Variants in MAPK10 observed in about 807,000 individuals in gnomAD.
The protein encoded by MAPK10 is JNK3 alpha protein kinase.
MAPK10 carries 25 observed loss-of-function variants against 59.3 expected under a neutral mutation model. The observed-to-expected ratio is 0.42, with a 90% CI of 0.31 to 0.59. The LOEUF (loss-of-function observed/expected upper bound fraction) is 0.59, where lower values mean the gene tolerates loss of function less well. Ranked by LOEUF, MAPK10 falls within the 20% of genes least tolerant of loss-of-function variation. The pLI is 0.15. For synonymous variants in MAPK10, 190 were observed against 200.5 expected, an observed-to-expected ratio of 0.95 and a Z score of 0.44; for missense variants, 351 against 568.9, an observed-to-expected ratio of 0.62 and a Z score of 3.90.
intron 1 of MAPK10, among the ~76,000 whole-genome samples, chr4:86,561,210 A>T (rs754894669): frequency 1.3e-5 from 2 of 152,136 alleles, no homozygotes; most frequent in Non-Finnish European, 2.9e-5. Context: ...CTCAGGTGGT[A>T]ATGCTCCAGC....
chr4:86,570,832 G>C (rs78961905), intron 1 of MAPK10, among the ~76,000 whole-genome samples: 7,125 of 152,240 alleles, frequency 0.047, 221 homozygotes, highest in African/African-American at 0.059. Flanking sequence ...GGGATGGGCA[G>C]AGGAGTCACC....
At chr4:86,207,989 G>C (rs2149346239) in intron 2 of MAPK10, among the ~76,000 whole-genome samples, 1 of 152,170 alleles carries the variant, frequency 6.6e-6, no homozygotes, top group Non-Finnish European at 1.5e-5. Flanking sequence ...TGAAAATCTA[G>C]AAGAAATGGA....
intron 13 of MAPK10, among the ~76,000 whole-genome samples, chr4:86,021,704 G>A (rs1204001561): frequency 1.3e-5 from 2 of 152,224 alleles, no homozygotes; most frequent in Non-Finnish European, 2.9e-5. Flanking sequence ...CCCATGGAGT[G>A]GGTGGGAGGC....
At chr4:86,362,799 A>C (rs185396155), upstream of MAPK10, among the ~76,000 whole-genome samples, 1 of 152,280 alleles carries the variant, frequency 6.6e-6, no homozygotes, top group African/African-American at 2.4e-5. Flanking sequence ...ATCATCACAT[A>C]TTGACAAGGA....
At chr4:86,209,928 A>C (rs2085307692) in intron 2 of MAPK10, among the ~76,000 whole-genome samples, 1 of 152,154 alleles carries the variant, frequency 6.6e-6, no homozygotes, top group African/African-American at 2.4e-5. Context: ...AAAAATAGAC[A>C]CACAGACCAA....
chr4:86,255,888 G>A (rs2093687524), intron 2 of MAPK10, among the ~76,000 whole-genome samples: 1 of 152,048 alleles, frequency 6.6e-6, no homozygotes, highest in African/African-American at 2.4e-5. Context: ...TGGAGAATAT[G>A]TTTTACCTAT....
At chr4:86,111,713 G>A (rs1399151596) in intron 4 of MAPK10, among the ~76,000 whole-genome samples, 2 of 152,154 alleles carry the variant, frequency 1.3e-5, no homozygotes, top group Non-Finnish European at 2.9e-5. Flanking sequence ...TCTCTGCCAG[G>A]TTTTGGTATC....
chr4:86,286,925 A>G (rs1311546523), intron 2 of MAPK10, among the ~76,000 whole-genome samples: 8 of 152,210 alleles, frequency 5.3e-5, no homozygotes, highest in Non-Finnish European at 1.5e-5. Context: ...TGGTAGGTAG[A>G]GAGCATGTTT....
At chr4:86,123,534 A>G (rs913286086) in intron 4 of MAPK10, among the ~76,000 whole-genome samples, 66 of 152,008 alleles carry the variant, frequency 4.3e-4, no homozygotes, top group African/African-American at 1.5e-3. Context: ...TGCTTACATC[A>G]ACATTGCTAC....
At chr4:86,325,468 T>C (rs952968282) in intron 2 of MAPK10, among the ~76,000 whole-genome samples, 1 of 152,200 alleles carries the variant, frequency 6.6e-6, no homozygotes, top group Non-Finnish European at 1.5e-5. Flanking sequence ...TTAACCACCA[T>C]ACTACACTGC....
intron 2 of MAPK10, among the ~76,000 whole-genome samples, chr4:86,228,630 C>A (rs968954762): frequency 6.6e-6 from 1 of 152,152 alleles, no homozygotes; most frequent in Non-Finnish European, 1.5e-5. Context: ...ATTCTATCAC[C>A]CTTTGTGTCA....
chr4:86,151,591 C>G (rs1440615465), intron 4 of MAPK10, among the ~76,000 whole-genome samples: 1 of 152,106 alleles, frequency 6.6e-6, no homozygotes, highest in Non-Finnish European at 1.5e-5. Context: ...TAAAGAGCAT[C>G]TGAGAGTGTC....
rs139742184 is a variant in MAPK10, at chr4:86,131,304, A to G, written c.237-23952T>C. ...TGTTTTTATTATCTAGCTAACAGGC[A>G]TACAGACAGTTTAAGTGTTTAAGAG... On this transcript the variant is annotated intron_variant, in intron 4 of 13. Transcript: ENST00000641462. Among the ~76,000 whole-genome samples, 3 of 152,328 alleles carry G rather than the reference A, an allele frequency of 2.0e-5. No homozygotes were observed. The East Asian group carries it at 5.8e-4, about 29-fold the overall frequency.
At chr4:86,084,754 G>A (rs576997659) in intron 9 of MAPK10, among the ~76,000 whole-genome samples, 1 of 144,604 alleles carries the variant, frequency 6.9e-6, no homozygotes, top group Non-Finnish European at 1.5e-5. Context: ...CAATCCTGAA[G>A]TTTATATGGA....
intron 1 of MAPK10, among the ~76,000 whole-genome samples, chr4:86,448,898 G>A (rs1750369016): frequency 6.6e-6 from 1 of 152,206 alleles, no homozygotes; most frequent in African/African-American, 2.4e-5. Context: ...ATAGGAGACA[G>A]TGACAGATCA....
At chr4:86,468,798 G>A (rs1043350299) in intron 1 of MAPK10, among the ~76,000 whole-genome samples, 47 of 152,070 alleles carry the variant, frequency 3.1e-4, no homozygotes, top group African/African-American at 1.0e-3. Flanking sequence ...AGGTTGCAGT[G>A]AGCCAAGATC....
intron 2 of MAPK10, among the ~76,000 whole-genome samples, chr4:86,199,662 G>A (rs1415778829): frequency 6.6e-6 from 1 of 151,972 alleles, no homozygotes; most frequent in Non-Finnish European, 1.5e-5. Flanking sequence ...GTTCACACAT[G>A]TTTGTTACAT....
chr4:86,409,807 A>G (rs1432497356), intron 1 of MAPK10, among the ~76,000 whole-genome samples: 1 of 152,202 alleles, frequency 6.6e-6, no homozygotes, highest in Non-Finnish European at 1.5e-5. Flanking sequence ...TTGGGCTCAG[A>G]CAATGGGGTT....
intron 2 of MAPK10, among the ~76,000 whole-genome samples, chr4:86,277,472 T>C (rs142014531): frequency 5.4e-4 from 82 of 152,272 alleles, no homozygotes; most frequent in African/African-American, 1.9e-3. Flanking sequence ...TGTTAGCTCT[T>C]AGCAGTGATA....
Sources: gnomAD v4.1 joint callset for allele counts (sites outside exome capture counted in the v4.1 genomes callset) on GRCh38, gnomAD v4.1.1 for gene constraint, MANE v1.5 for transcripts, NCBI Gene and HGNC (gene_info 2026-07-23, HGNC 2026-07-21) for gene names.